The following PCDHA6 variants were observed in gnomAD, a reference collection of about 807,000 sequenced individuals.
PCDHA6 encodes the protein protocadherin alpha 6.
Under a neutral mutation model 60.3 loss-of-function variants are expected in PCDHA6, and 55 were observed. The observed-to-expected ratio is 0.91, with a 90% CI of 0.73 to 1.14. The LOEUF (loss-of-function observed/expected upper bound fraction) is 1.14, where lower values mean the gene tolerates loss of function less well. Ranked by LOEUF, PCDHA6 falls within the 50% of genes most tolerant of loss-of-function variation. The pLI, the probability that PCDHA6 is intolerant of heterozygous loss-of-function variation, is 0.00. For missense variants in PCDHA6, 1,327 were observed against 1,256.5 expected, an observed-to-expected ratio of 1.06 and a Z score of -0.85; for synonymous variants, 652 against 557.9, an observed-to-expected ratio of 1.17 and a Z score of -2.38.
At position 140,830,029 on chromosome 5, in the gene PCDHA6, G is replaced by C. The variant is rs781984096; in HGVS notation, c.1938G>C (p.Arg646=). The C allele has an allele frequency of 1.2e-6, 2 of 1,613,792 alleles. No homozygotes were observed. The highest frequency in any genetic ancestry group is 1.7e-6 in the Non-Finnish European group (2 of 1,179,928). The stretch of plus-strand genomic sequence containing the variant: ...ACGAAGCGGACTCTCCGCGCCACCG[G>C]CTGCTGGTGCTGGTGAAAGACCACG... ...VLDEADSPRH[R]LLVLVKDHGE... The change falls in exon 1 of 4, where the codon CGG becomes CGC. Residue 646 remains arginine (R), a synonymous_variant. Coordinates refer to ENST00000529310, the MANE Select transcript of PCDHA6 (RefSeq NM_018909.4).
At chr5:140,859,490 G>A (rs2045887766) in intron 1 of PCDHA6, 1 of 204,502 alleles carries the variant, frequency 4.9e-6, no homozygotes, top group Non-Finnish European at 9.6e-6. Context: ...CCTGAAATTG[G>A]TTGTTACCTG....
At chr5:140,946,591 AATAG>A (rs1237639683) in intron 1 of PCDHA6, among the ~76,000 whole-genome samples, 7 of 119,490 alleles carry the variant, frequency 5.9e-5, no homozygotes, top group African/African-American at 2.9e-4. Flanking sequence ...ATAGTGGATG[AATAG>A]ATAAAGAAAA....
intron 1 of PCDHA6, chr5:140,863,004 G>A (rs1236967953): frequency 1.8e-6 from 1 of 551,012 alleles, no homozygotes; most frequent in African/African-American, 1.9e-5. Flanking sequence ...GTGGACTCCA[G>A]CTATGACGCC....
intron 3 of PCDHA6, among the ~76,000 whole-genome samples, chr5:141,004,049 A>T (rs1372116883): frequency 6.6e-6 from 1 of 152,208 alleles, no homozygotes; most frequent in African/African-American, 2.4e-5. Flanking sequence ...TCATTTGCTG[A>T]TACTGGCCCC....
At chr5:140,921,022 T>C (rs990627966) in intron 1 of PCDHA6, among the ~76,000 whole-genome samples, 6 of 152,094 alleles carry the variant, frequency 3.9e-5, no homozygotes, top group Admixed American at 6.6e-5. Context: ...CTATGTTTTC[T>C]AGACTGGGGT....
intron 1 of PCDHA6, chr5:140,881,349 A>G: frequency 2.0e-6 from 2 of 985,302 alleles, no homozygotes; most frequent in Non-Finnish European, 2.4e-6. Flanking sequence ...TCGGGCTACA[A>G]TGCGTGGCTT....
chr5:140,887,672 T>G (rs2061538471), intron 1 of PCDHA6, among the ~76,000 whole-genome samples: 1 of 152,180 alleles, frequency 6.6e-6, no homozygotes, highest in Admixed American at 6.5e-5. Flanking sequence ...GGATTTATCA[T>G]TTTCATCAAA....
At chr5:140,838,754 T>A in intron 1 of PCDHA6, among the ~76,000 whole-genome samples, 1 of 151,892 alleles carries the variant, frequency 6.6e-6, no homozygotes, top group East Asian at 1.9e-4. Flanking sequence ...TGTGCATCTT[T>A]TGTAGAGACT....
rs565441433 is a variant in PCDHA6, at chr5:141,011,340, A to G, written c.*1403A>G. 6.5e-6 allele frequency: 1 copy of G among 153,828 alleles called. No homozygotes were observed. Among genetic ancestry groups the G allele is most frequent in the African/African-American group, 2.4e-5 (1 of 41,570 alleles). 9.5% of individuals were successfully genotyped at this position (153,828 alleles called of 1,614,324 possible). On this transcript the variant is annotated 3_prime_UTR_variant, in exon 4 of 4. Transcript: ENST00000529310. Reference sequence around the variant, plus strand: ...ACTAACACCTATGATGTTACCTGAAATCAATCTCCCATATGTATGCTGTAT... The same window carrying G: ...ACTAACACCTATGATGTTACCTGAAGTCAATCTCCCATATGTATGCTGTAT...
At chr5:140,855,521 G>A (rs1349311147) in intron 1 of PCDHA6, among the ~76,000 whole-genome samples, 1 of 149,904 alleles carries the variant, frequency 6.7e-6, no homozygotes, top group Admixed American at 6.7e-5. Context: ...AAAATAATGA[G>A]AAAGAGAAGT....
chr5:140,929,541 G>A, intron 1 of PCDHA6: 6 of 542,944 alleles, frequency 1.1e-5, no homozygotes, highest in Non-Finnish European at 1.8e-5. Context: ...AGAAACAAGG[G>A]CAAAAATTAA....
At chr5:140,938,395 C>G (rs2092045479) in intron 1 of PCDHA6, among the ~76,000 whole-genome samples, 1 of 152,114 alleles carries the variant, frequency 6.6e-6, no homozygotes, top group African/African-American at 2.4e-5. Context: ...ATATGAAATA[C>G]ATTGTTTGAT....
chr5:140,850,367 G>T, intron 1 of PCDHA6: 3 of 1,597,916 alleles, frequency 1.9e-6, no homozygotes, highest in Non-Finnish European at 8.6e-7. Context: ...CGTTCCGCGT[G>T]GGGCTGTACA....
intron 1 of PCDHA6, among the ~76,000 whole-genome samples, chr5:140,914,826 CA>C: frequency 6.6e-6 from 1 of 151,812 alleles, no homozygotes; most frequent in East Asian, 1.9e-4. Context: ...ACTGCATAAA[CA>C]AAAAACAAAC....
At chr5:140,944,406 C>A (rs1003379783) in intron 1 of PCDHA6, among the ~76,000 whole-genome samples, 1 of 152,084 alleles carries the variant, frequency 6.6e-6, no homozygotes, top group Non-Finnish European at 1.5e-5. Context: ...AGGCTGGTCT[C>A]GAACTCCTGA....
intron 1 of PCDHA6, chr5:140,858,050 C>G: frequency 6.3e-7 from 1 of 1,597,552 alleles, no homozygotes; most frequent in Non-Finnish European, 8.6e-7. Flanking sequence ...GCTTGTGTCG[C>G]TTGTGGAGGG....
At chr5:140,870,914 C>A (rs369740429) in intron 1 of PCDHA6, 10 of 1,613,828 alleles carry the variant, frequency 6.2e-6, no homozygotes, top group African/African-American at 1.3e-5. Context: ...GGCTACAACG[C>A]GTGGCTTTCA....
In PCDHA6 at chr5:140,842,604, G is replaced by A. The variant is rs1254196927; in HGVS notation, c.2394+12119G>A. 5 of 1,550,084 alleles carry A rather than the reference G, an allele frequency of 3.2e-6. No homozygotes were observed. The highest frequency in any genetic ancestry group is 1.1e-5 in the South Asian group (1 of 89,394). The stretch of plus-strand genomic sequence containing the variant: ...GCCTATGAGTTGGTGGTAACCGCGC[G>A]GGACGGGGGCTCGCCTTCGCTGTGG... On this transcript the variant is annotated intron_variant, in intron 1 of 3. Coordinates refer to ENST00000529310, the MANE Select transcript of PCDHA6 (RefSeq NM_018909.4).
intron 1 of PCDHA6, among the ~76,000 whole-genome samples, chr5:140,950,973 T>C (rs1381300164): frequency 3.3e-5 from 5 of 152,244 alleles, no homozygotes; most frequent in Middle Eastern, 3.4e-3. Flanking sequence ...TTCAGATTCA[T>C]TGACTTTTGC....
Sources: allele counts gnomAD v4.1 joint callset (sites outside exome capture counted in the v4.1 genomes callset), GRCh38; gene constraint gnomAD v4.1.1; transcripts MANE v1.5; gene names NCBI Gene and HGNC (gene_info 2026-07-23, HGNC 2026-07-21).